CNTN4: variants seen among roughly 807,000 people sequenced by gnomAD.
The protein encoded by CNTN4 is contactin 4.
CNTN4 carries 77 observed loss-of-function variants against 122.5 expected under a neutral mutation model. The observed-to-expected ratio is 0.63, with a 90% CI of 0.52 to 0.76. The LOEUF (loss-of-function observed/expected upper bound fraction) is 0.76. Among genes scored for constraint, CNTN4 ranks in the 30% least tolerant of loss-of-function variants. The pLI is 0.00. For missense variants in CNTN4, 1,256 were observed against 1,259.1 expected (o/e 1.00, Z 0.04); for synonymous variants, 512 against 447.0 (o/e 1.15, Z -1.83).
rs541456160 is a variant in CNTN4, at chr3:2,184,240, C to T, written c.-145+83601C>T. 2.0e-5 allele frequency among the ~76,000 whole-genome samples: 3 copies of T among 152,266 alleles called. No individual in the cohort carries two copies. In the East Asian group the frequency reaches 5.8e-4, roughly 29 times the overall value. On this transcript the variant is annotated intron_variant, in intron 2 of 24. Transcript: ENST00000418658. Reference sequence around the variant, plus strand: ...GGCTCAAGTAATCCACCAGCTTTGGCCTCCCAAGGGTTGGAATTTTACAGG... The same window carrying T: ...GGCTCAAGTAATCCACCAGCTTTGGTCTCCCAAGGGTTGGAATTTTACAGG...
At chr3:2,669,389 A>G (rs566205003) in intron 4 of CNTN4, among the ~76,000 whole-genome samples, 56 of 152,252 alleles carry the variant, frequency 3.7e-4, no homozygotes, top group African/African-American at 1.3e-3. Context: ...AGAGGTGTTT[A>G]TAGTATTCTC....
At chr3:2,358,999 G>A (rs1055325459) in intron 3 of CNTN4, among the ~76,000 whole-genome samples, 12 of 152,112 alleles carry the variant, frequency 7.9e-5, no homozygotes, top group African/African-American at 2.7e-4. Context: ...GGTGCTACTG[G>A]TAGATTTATA....
intron 3 of CNTN4, among the ~76,000 whole-genome samples, chr3:2,443,644 A>G (rs1262329414): frequency 1.3e-5 from 2 of 152,086 alleles, no homozygotes; most frequent in Non-Finnish European, 2.9e-5. Context: ...ACTGAGCTCA[A>G]TTTTAAATAT....
intron 12 of CNTN4, among the ~76,000 whole-genome samples, chr3:2,906,804 A>G (rs2094239190): frequency 6.6e-6 from 1 of 150,876 alleles, no homozygotes; most frequent in Admixed American, 6.6e-5. Context: ...AGATCGTGTC[A>G]TTGCACTCCG....
chr3:2,139,444 T>C (rs2034878558), intron 2 of CNTN4, among the ~76,000 whole-genome samples: 1 of 152,236 alleles, frequency 6.6e-6, no homozygotes, highest in Non-Finnish European at 1.5e-5. Flanking sequence ...TGGACACTGC[T>C]ACCTGATTCC....
intron 3 of CNTN4, among the ~76,000 whole-genome samples, chr3:2,557,540 AC>A (rs1413134875): frequency 6.6e-6 from 1 of 152,190 alleles, no homozygotes; most frequent in Admixed American, 6.5e-5. Context: ...ATCCTGGCTA[AC>A]ACGGTGAAAC....
At chr3:2,830,886 T>C (rs2093089694) in intron 7 of CNTN4, among the ~76,000 whole-genome samples, 1 of 152,152 alleles carries the variant, frequency 6.6e-6, no homozygotes, top group Admixed American at 6.5e-5. Flanking sequence ...AATGATGCAG[T>C]ACATAGAATA....
At chr3:2,568,543 C>A (rs2079283305) in intron 3 of CNTN4, among the ~76,000 whole-genome samples, 1 of 152,126 alleles carries the variant, frequency 6.6e-6, no homozygotes. Context: ...CAGGGGAGAT[C>A]TATTGCCACC....
intron 4 of CNTN4, among the ~76,000 whole-genome samples, chr3:2,711,039 T>A (rs1039281592): frequency 7.2e-5 from 11 of 152,048 alleles, no homozygotes; most frequent in Admixed American, 3.3e-4. Context: ...CCAGTCAGGG[T>A]CAATCAGCCC....
intron 4 of CNTN4, among the ~76,000 whole-genome samples, chr3:2,733,532 G>GTTT (rs1201306391): frequency 0.014 from 1,731 of 120,484 alleles, 111 homozygotes; most frequent in African/African-American, 0.053. Context: ...GCATGTTTGT[G>GTTT]TTTTTTTTTT....
intron 3 of CNTN4, among the ~76,000 whole-genome samples, chr3:2,360,789 G>C (rs1278436896): frequency 6.6e-6 from 1 of 152,132 alleles, no homozygotes; most frequent in Non-Finnish European, 1.5e-5. Context: ...CCATGATTCA[G>C]CTACCTTCAC....
At chr3:2,947,958 T>C (rs876255) in intron 13 of CNTN4, among the ~76,000 whole-genome samples, 11,734 of 152,268 alleles carry the variant, frequency 0.077, 514 homozygotes, top group Middle Eastern at 0.13. Flanking sequence ...AATGAATATG[T>C]GCTGGGTGCG....
intron 3 of CNTN4, among the ~76,000 whole-genome samples, chr3:2,455,056 C>T (rs2048948184): frequency 6.6e-6 from 1 of 151,984 alleles, no homozygotes; most frequent in Non-Finnish European, 1.5e-5. Context: ...AAAAATAAAA[C>T]CAGTAAATAT....
intron 3 of CNTN4, among the ~76,000 whole-genome samples, chr3:2,375,239 G>A (rs561313471): frequency 6.6e-6 from 1 of 152,284 alleles, no homozygotes; most frequent in African/African-American, 2.4e-5. Flanking sequence ...TTGCCTTGCG[G>A]AGGGTATCTG....
At chr3:2,397,891 A>G (rs920636300) in intron 3 of CNTN4, among the ~76,000 whole-genome samples, 2 of 152,146 alleles carry the variant, frequency 1.3e-5, no homozygotes, top group African/African-American at 4.8e-5. Context: ...ACTTAAATAG[A>G]TTACATTTTT....
intron 4 of CNTN4, among the ~76,000 whole-genome samples, chr3:2,654,674 G>A (rs2083503745): frequency 6.6e-6 from 1 of 152,164 alleles, no homozygotes; most frequent in African/African-American, 2.4e-5. Context: ...GAAAAGGAAG[G>A]TTTGGGAAGA....
At chr3:2,235,046 GA>G (rs2039628416) in intron 2 of CNTN4, among the ~76,000 whole-genome samples, 1 of 152,108 alleles carries the variant, frequency 6.6e-6, no homozygotes, top group Non-Finnish European at 1.5e-5. Flanking sequence ...CTGTTGTATA[GA>G]TAACATCTGC....
At chr3:2,159,619 T>A (rs1361309582) in intron 2 of CNTN4, among the ~76,000 whole-genome samples, 1 of 152,166 alleles carries the variant, frequency 6.6e-6, no homozygotes, top group Non-Finnish European at 1.5e-5. Context: ...TTTTGAGCAT[T>A]CCCCTTCACT....
chr3:2,602,601 A>G (rs2081093327), intron 4 of CNTN4, among the ~76,000 whole-genome samples: 1 of 152,208 alleles, frequency 6.6e-6, no homozygotes, highest in Non-Finnish European at 1.5e-5. Context: ...GACACAAACA[A>G]CTGGAAGAAC....
Sources: gnomAD v4.1 joint callset for allele counts (sites outside exome capture counted in the v4.1 genomes callset) on GRCh38, gnomAD v4.1.1 for gene constraint, MANE v1.5 for transcripts, NCBI Gene and HGNC (gene_info 2026-07-23, HGNC 2026-07-21) for gene names.